The following PAN3 variants were observed in gnomAD, a reference collection of about 807,000 sequenced individuals.
The protein encoded by PAN3 is PAN2-PAN3 deadenylation complex subunit PAN3.
Under a neutral mutation model 96.2 loss-of-function variants are expected in PAN3, and 19 were observed. That is an observed-to-expected ratio of 0.20 (90% confidence interval 0.14 to 0.29). PAN3 has a LOEUF of 0.29. PAN3 is among the 10% of genes least tolerant of loss of function. The probability of loss-of-function intolerance (pLI) is 1.00; values close to 1 mark genes in which losing one functional copy is unlikely to be tolerated. For missense variants in PAN3, 882 were observed against 1,108.1 expected (o/e 0.80, Z 2.90); for synonymous variants, 433 against 406.6 (o/e 1.06, Z -0.78).
chr13:28,192,609 A>G (rs1326618999), intron 4 of PAN3, among the ~76,000 whole-genome samples: 3 of 152,138 alleles, frequency 2.0e-5, no homozygotes, highest in African/African-American at 4.8e-5. Context: ...TTTCTGCTCT[A>G]TTCATACATG....
chr13:28,207,740 T>C (rs1050765377), intron 5 of PAN3, among the ~76,000 whole-genome samples: 2 of 152,220 alleles, frequency 1.3e-5, no homozygotes, highest in African/African-American at 2.4e-5. Flanking sequence ...ATAGAACTTA[T>C]CACATAAACT....
At chr13:28,232,021 G>A (rs1277197848) in intron 6 of PAN3, among the ~76,000 whole-genome samples, 5 of 152,162 alleles carry the variant, frequency 3.3e-5, no homozygotes, top group African/African-American at 7.2e-5. Context: ...TAATTGAAAT[G>A]TCACTGTTAC....
Position 28,218,106 on chromosome 13 carries a change from T to A in PAN3, c.853-2125T>A, listed in dbSNP as rs187788239. 5.0e-3 allele frequency among the ~76,000 whole-genome samples: 761 copies of A among 152,166 alleles called. 5 individuals are homozygous for A. The highest frequency in any genetic ancestry group is 0.017 in the African/African-American group (718 of 41,560). ...ATGCTATTTTTAATAGATTTTATAG[T>A]TTTAAAAAAAGATTTATATTTTAAA... On this transcript the variant is annotated intron_variant, in intron 5 of 18. Coordinates refer to ENST00000380958, the MANE Select transcript of PAN3 (RefSeq NM_175854.8).
At chr13:28,235,709 A>ACACACACACACACACACACC (rs1566213307) in intron 6 of PAN3, among the ~76,000 whole-genome samples, 13 of 150,580 alleles carry the variant, frequency 8.6e-5, no homozygotes, top group African/African-American at 3.2e-4. Context: ...ACACACACAC[A>ACACACACACACACACACACC]CACACACACA....
At chr13:28,250,324 T>C (rs1346597565) in intron 6 of PAN3, among the ~76,000 whole-genome samples, 1 of 152,044 alleles carries the variant, frequency 6.6e-6, no homozygotes, top group Non-Finnish European at 1.5e-5. Context: ...GCCTCTTGAG[T>C]AGCTGGGACT....
At chr13:28,175,881 T>A (rs1874907502) in intron 2 of PAN3, among the ~76,000 whole-genome samples, 1 of 152,156 alleles carries the variant, frequency 6.6e-6, no homozygotes, top group Non-Finnish European at 1.5e-5. Context: ...AGTAAACAGA[T>A]TCAGGACTCT....
rs539968797 is a variant in PAN3 at position 28,168,966 on chromosome 13, C to T, written c.431-5306C>T. Among the ~76,000 whole-genome samples, 29 of 149,904 alleles carry T rather than the reference C, an allele frequency of 1.9e-4. 1 individual carries two copies. In the East Asian group the frequency reaches 3.2e-3, roughly 17 times the overall value. On this transcript the variant is annotated intron_variant, in intron 1 of 18. Coordinates refer to ENST00000380958, the MANE Select transcript of PAN3 (RefSeq NM_175854.8). The stretch of plus-strand genomic sequence containing the variant: ...CCGGGAGGTTGAACTTGCAGTGAGC[C>T]GAGATCACGCCACTACTCCAGCCTG...
In PAN3 at chr13:28,143,183, G is replaced by A. The variant is rs1870103772; in HGVS notation, c.430+4096G>A. 2.0e-5 allele frequency among the ~76,000 whole-genome samples: 3 copies of A among 151,938 alleles called. No homozygotes were observed. The South Asian group carries it at 6.2e-4, about 31-fold the overall frequency. ...TGTCTAGGTTGGACTCCAACTCCTG[G>A]GCTCAAGTGATCCTAGCACCTCAGC... On this transcript the variant is annotated intron_variant, in intron 1 of 18. Transcript: ENST00000380958.
At chr13:28,207,101 G>A (rs189843550) in intron 5 of PAN3, among the ~76,000 whole-genome samples, 1 of 152,188 alleles carries the variant, frequency 6.6e-6, no homozygotes, top group East Asian at 1.9e-4. Flanking sequence ...TAAAATGAAC[G>A]CTGTATATTT....
chr13:28,275,217 T>A (rs1886960311), intron 14 of PAN3, among the ~76,000 whole-genome samples: 1 of 152,208 alleles, frequency 6.6e-6, no homozygotes, highest in African/African-American at 2.4e-5. Context: ...TCTAATTTAA[T>A]CTGGACTGTG....
chr13:28,256,252 A>G (rs1242142780), intron 6 of PAN3, 40 bp from the exon 7 acceptor site: 3 of 1,581,604 alleles, frequency 1.9e-6, no homozygotes, highest in East Asian at 4.5e-5. Flanking sequence ...TCTAAAACCA[A>G]TTATTGCTCC....
intron 18 of PAN3, among the ~76,000 whole-genome samples, chr13:28,289,254 A>T (rs1487005720): frequency 6.6e-6 from 1 of 152,134 alleles, no homozygotes; most frequent in Non-Finnish European, 1.5e-5. Flanking sequence ...TAAAAAATAG[A>T]TCATAAATTT....
At chr13:28,189,376 TGTG>T (rs1044153296) in intron 4 of PAN3, among the ~76,000 whole-genome samples, 6 of 151,812 alleles carry the variant, frequency 4.0e-5, no homozygotes, top group Middle Eastern at 3.2e-3. Flanking sequence ...ATTAGCCAGA[TGTG>T]GTGGTGGGTG....
intron 9 of PAN3, among the ~76,000 whole-genome samples, chr13:28,262,411 A>T (rs991833231): frequency 7.9e-5 from 12 of 152,218 alleles, no homozygotes; most frequent in African/African-American, 2.4e-4. Context: ...TGTAATCAGA[A>T]ATTCAGCATC....
intron 6 of PAN3, among the ~76,000 whole-genome samples, chr13:28,250,748 C>T (rs1023047180): frequency 2.6e-5 from 4 of 152,278 alleles, no homozygotes; most frequent in African/African-American, 7.2e-5. Context: ...AAGCAGTCCG[C>T]CTGCGTCAGC....
chr13:28,290,770 TA>T (rs1869657078), intron 18 of PAN3, among the ~76,000 whole-genome samples: 2 of 152,152 alleles, frequency 1.3e-5, no homozygotes, highest in Admixed American at 6.5e-5. Context: ...TTATTTATGT[TA>T]GGGGAAAAAC....
rs148152894 is a variant in PAN3, at chr13:28,212,851, T to C, written c.853-7380T>C. Among the ~76,000 whole-genome samples the C allele has an allele frequency of 6.8e-3, 1,041 of 152,284 alleles. 11 individuals are homozygous for C. Among genetic ancestry groups the C allele is most frequent in the African/African-American group, 0.024 (1,006 of 41,550 alleles). ...ATCAGGTGACCTAATATCCTTATAA[T>C]TGGAGTTCCTGATGGGGCTGATGGG... On this transcript the variant is annotated intron_variant, in intron 5 of 18. Coordinates refer to ENST00000380958, the MANE Select transcript of PAN3 (RefSeq NM_175854.8).
chr13:28,139,169 G>A, intron 1 of PAN3, 82 bp downstream of exon 1: 2 of 1,231,392 alleles, frequency 1.6e-6, no homozygotes, highest in Non-Finnish European at 2.0e-6. Flanking sequence ...GACGGGAGCT[G>A]AGCACGGCCC....
At chr13:28,249,443 A>G (rs1236309413) in intron 6 of PAN3, among the ~76,000 whole-genome samples, 1 of 151,886 alleles carries the variant, frequency 6.6e-6, no homozygotes, top group Admixed American at 6.6e-5. Flanking sequence ...ATATTAACGC[A>G]AGATTTTTAT....
Sources: gnomAD v4.1 joint callset for allele counts (sites outside exome capture counted in the v4.1 genomes callset) on GRCh38, gnomAD v4.1.1 for gene constraint, MANE v1.5 for transcripts, NCBI Gene and HGNC (gene_info 2026-07-23, HGNC 2026-07-21) for gene names.